Variants in AXDND1 observed in about 807,000 individuals in gnomAD.
AXDND1 encodes axonemal dynein light chain domain containing 1.
AXDND1 carries 110 observed loss-of-function variants against 137.5 expected under a neutral mutation model. The ratio of observed to expected loss-of-function variants is 0.80; its 90% CI spans 0.69 to 0.94. The LOEUF (loss-of-function observed/expected upper bound fraction) is 0.94. AXDND1 is among the 40% of genes least tolerant of loss of function. AXDND1 has a pLI of 0.00. For synonymous variants in AXDND1, 414 were observed against 399.7 expected (o/e 1.04, Z -0.43); for missense variants, 1,191 against 1,169.8 (o/e 1.02, Z -0.26).
intron 12 of AXDND1, among the ~76,000 whole-genome samples, chr1:179,422,938 ATTT>A (rs1558156489): frequency 6.6e-6 from 1 of 151,834 alleles, no homozygotes; most frequent in Non-Finnish European, 1.5e-5. Context: ...TAATTTTTGT[ATTT>A]TTAGTAGAGA....
rs749092781 is a variant in AXDND1, at chr1:179,528,338, A to G, written c.2622A>G (p.Thr874=). 2.5e-6 allele frequency: 4 copies of G among 1,613,264 alleles called. No individual in the cohort carries two copies. Among genetic ancestry groups the G allele is most frequent in the South Asian group, 1.1e-5 (1 of 91,054 alleles). ...TTTCTGTGTTCTAGCAACCTTCAAC[A>G]TCTACAGAGAAGGAAAAACTCATTC... ...NKERAEEQPS[T]STEKEKLIRF... The change falls in exon 23 of 26, where the codon ACA becomes ACG. Residue 874 remains threonine (T), a synonymous_variant. Coordinates refer to ENST00000367618, the MANE Select transcript of AXDND1 (RefSeq NM_144696.6).
At chr1:179,487,647 A>G (rs1666228165) in intron 18 of AXDND1, among the ~76,000 whole-genome samples, 1 of 148,528 alleles carries the variant, frequency 6.7e-6, no homozygotes. Context: ...TCAGAAAGAA[A>G]CATGAATCCA....
chr1:179,545,822 C>T (rs1389851769), intron 25 of AXDND1: 1 of 152,130 alleles, frequency 6.6e-6, no homozygotes, highest in African/African-American at 2.4e-5. Flanking sequence ...TATCTGCTGC[C>T]ACTACAATTA....
chr1:179,524,173 A>T (rs1670327083), intron 21 of AXDND1, among the ~76,000 whole-genome samples: 2 of 152,156 alleles, frequency 1.3e-5, no homozygotes, highest in South Asian at 4.1e-4. Flanking sequence ...TATCTTTTTC[A>T]TATAATGACT....
chr1:179,434,251 A>G (rs1236945421), intron 15 of AXDND1, among the ~76,000 whole-genome samples: 1 of 152,156 alleles, frequency 6.6e-6, no homozygotes, highest in Non-Finnish European at 1.5e-5. Flanking sequence ...ACACAGATTC[A>G]CAGCCAAATT....
chr1:179,535,851 G>C (rs1044785752), intron 25 of AXDND1, among the ~76,000 whole-genome samples: 5 of 152,122 alleles, frequency 3.3e-5, no homozygotes, highest in Admixed American at 2.6e-4. Flanking sequence ...CAGTGTAAAA[G>C]TGTTCCTATT....
intron 25 of AXDND1, among the ~76,000 whole-genome samples, chr1:179,535,364 C>T (rs563659059): frequency 6.6e-6 from 1 of 152,084 alleles, no homozygotes; most frequent in Non-Finnish European, 1.5e-5. Context: ...CTAATGCTAT[C>T]CCTCCCTCAG....
chr1:179,434,173 C>T (rs1016233440), intron 15 of AXDND1, among the ~76,000 whole-genome samples: 12 of 152,010 alleles, frequency 7.9e-5, no homozygotes, highest in Non-Finnish European at 1.6e-4. Context: ...AGTGTTGCAA[C>T]CCCTGCTTTT....
chr1:179,518,055 G>A (rs894000794), intron 21 of AXDND1, among the ~76,000 whole-genome samples: 3 of 152,176 alleles, frequency 2.0e-5, no homozygotes, highest in Admixed American at 2.0e-4. Context: ...TTGAATATCT[G>A]AAGTGACAGA....
intron 17 of AXDND1, 150 bp from the exon 18 acceptor site, chr1:179,482,978 G>T (rs1665604282): frequency 6.2e-6 from 3 of 485,190 alleles, no homozygotes; most frequent in African/African-American, 2.1e-5. Flanking sequence ...GATAATTCAG[G>T]GCTTTGATTC....
In AXDND1 at chr1:179,383,448, T is replaced by C. The variant is rs753733472; in HGVS notation, c.645T>C (p.Pro215=). The C allele has an allele frequency of 6.2e-7, 1 of 1,613,140 alleles. No homozygotes were observed. Among genetic ancestry groups the C allele is most frequent in the South Asian group, 1.1e-5 (1 of 91,036 alleles). Residue 215 remains proline, a synonymous_variant, in exon 8 of 26, where the codon CCT becomes CCC. Transcript: ENST00000367618. ...TGCCACCTTAATTTTTTAGGAAACC[T>C]AATAAAAGAGTAGAAGTGGCCCAGC... ...NRLLLFPSMK[P]NKRVEVAQLN... is the part of the protein sequence containing the mutation.
chr1:179,442,600 A>G (rs1659144549), intron 15 of AXDND1, among the ~76,000 whole-genome samples: 3 of 152,208 alleles, frequency 2.0e-5, no homozygotes, highest in Non-Finnish European at 2.9e-5. Flanking sequence ...TCTTCAACAG[A>G]CAAATTCTGC....
intron 11 of AXDND1, among the ~76,000 whole-genome samples, chr1:179,409,992 CTT>C (rs1298530536): frequency 6.6e-6 from 1 of 151,820 alleles, no homozygotes; most frequent in South Asian, 2.1e-4. Flanking sequence ...CATTAATTCT[CTT>C]TTGATAATTG....
At chr1:179,404,864 C>T (rs1343832279) in intron 11 of AXDND1, among the ~76,000 whole-genome samples, 1 of 149,666 alleles carries the variant, frequency 6.7e-6, no homozygotes, top group Non-Finnish European at 1.5e-5. Flanking sequence ...TACAATTCAG[C>T]AGTAAAGCCA....
rs141057750 is a variant in AXDND1 at position 179,375,400 on chromosome 1, G to A, written c.375-3237G>A. ...ATTATAGGCGCGAGCCACCATGCCC[G>A]GCCCCAACATATTCTTTAATTATAT... On this transcript the variant is annotated intron_variant, in intron 4 of 25. Coordinates refer to ENST00000367618, the MANE Select transcript of AXDND1 (RefSeq NM_144696.6). Among the ~76,000 whole-genome samples the A allele has an allele frequency of 3.6e-3, 542 of 151,820 alleles. 3 individuals carry two copies. Among genetic ancestry groups the A allele is most frequent in the African/African-American group, 0.012 (513 of 41,426 alleles).
chr1:179,493,523 T>A (rs1394960987), intron 20 of AXDND1, among the ~76,000 whole-genome samples: 3 of 152,208 alleles, frequency 2.0e-5, no homozygotes, highest in Admixed American at 1.3e-4. Context: ...TATCTAGGAA[T>A]GGAATGGCTG....
intron 16 of AXDND1, among the ~76,000 whole-genome samples, chr1:179,459,752 TTTC>T (rs1661969890): frequency 1.3e-5 from 2 of 150,512 alleles, no homozygotes; most frequent in East Asian, 1.9e-4. Flanking sequence ...CCTTCCTTCC[TTTC>T]TTTTCTTTTC....
Position 179,369,980 on chromosome 1 carries a change from T to A in AXDND1, c.276T>A (p.Thr92=). 1 of 1,613,378 alleles carries A rather than the reference T, an allele frequency of 6.2e-7. No homozygotes were observed. Among genetic ancestry groups the A allele is most frequent in the Non-Finnish European group, 8.5e-7 (1 of 1,179,522 alleles). The change falls in exon 4 of 26, where the codon ACT becomes ACA. Residue 92 remains threonine (T), a synonymous_variant. Transcript: ENST00000367618. ...PPKKIKTPKG[T]LPRLVDHVWH... is the part of the protein sequence containing the mutation. ...GTGTATTTGCTTTTTCCCAGGGCAC[T>A]CTTCCACGCCTTGTAGACCATGTCT...
intron 16 of AXDND1, chr1:179,455,637 T>C (rs1303954960): frequency 6.9e-6 from 1 of 145,320 alleles, no homozygotes; most frequent in African/African-American, 2.5e-5. Context: ...TTTTGGAAGA[T>C]ACTAGTATAT....
Sources: allele counts gnomAD v4.1 joint callset (sites outside exome capture counted in the v4.1 genomes callset), GRCh38; gene constraint gnomAD v4.1.1; transcripts MANE v1.5; gene names NCBI Gene and HGNC (gene_info 2026-07-23, HGNC 2026-07-21).